HIRA: variants seen among roughly 807,000 people sequenced by gnomAD.
HIRA encodes the protein protein HIRA.
In HIRA, 13 loss-of-function variants were observed where a neutral mutation model predicts 126.6. That is an observed-to-expected ratio of 0.10 (90% CI 0.07 to 0.16). HIRA has a LOEUF of 0.16. Ranked by LOEUF, HIRA falls within the 10% of genes least tolerant of loss-of-function variation. The pLI, the probability that HIRA is intolerant of heterozygous loss-of-function variation, is 1.00. For synonymous variants in HIRA, 511 were observed against 520.0 expected (o/e 0.98, Z 0.24); for missense variants, 834 against 1,314.4 (o/e 0.63, Z 5.65).
At chr22:19,400,635 T>C (rs1312717314) in intron 5 of HIRA, among the ~76,000 whole-genome samples, 1 of 152,170 alleles carries the variant, frequency 6.6e-6, no homozygotes, top group African/African-American at 2.4e-5. Context: ...TCAGACTATA[T>C]AGCACCTCCT....
At position 19,348,889 on chromosome 22, in the gene HIRA, G is replaced by A. The variant is rs190848343; in HGVS notation, c.2937+2469C>T. ...TTGGCTCTGCCTCCTAGGTTCAAGC[G>A]ATTCTCCTGCCTCAGCCTCCCGAGT... On this transcript the variant is annotated intron_variant, in intron 24 of 24. Transcript: ENST00000263208. 5.2e-3 allele frequency among the ~76,000 whole-genome samples: 796 copies of A among 151,898 alleles called. 8 individuals carry two copies. Among genetic ancestry groups the A allele is most frequent in the African/African-American group, 0.018 (743 of 41,392 alleles).
intron 1 of HIRA, among the ~76,000 whole-genome samples, chr22:19,413,196 C>A (rs1464613139): frequency 6.6e-6 from 1 of 152,118 alleles, no homozygotes; most frequent in Non-Finnish European, 1.5e-5. Context: ...AAGGTACTTT[C>A]AAGGCAGGGT....
chr22:19,387,631 G>A, intron 11 of HIRA, 80 bp downstream of exon 11: 2 of 928,226 alleles, frequency 2.2e-6, no homozygotes, highest in Non-Finnish European at 3.5e-6. Flanking sequence ...CACAAGAAGA[G>A]GGTGTAGTCA....
rs570856010 is a variant in HIRA, at chr22:19,420,577, C to T, written c.38-9799G>A. On this transcript the variant is annotated intron_variant, in intron 1 of 24. Coordinates refer to ENST00000263208, the MANE Select transcript of HIRA (RefSeq NM_003325.4). Reference sequence around the variant, plus strand: ...TCTGTTTCTTAATACTTCTTTCCCCCCTCATTTTGCAAAACAGAGGTATTC... The same window carrying T: ...TCTGTTTCTTAATACTTCTTTCCCCTCTCATTTTGCAAAACAGAGGTATTC... Among the ~76,000 whole-genome samples, 13 of 152,126 alleles carry T rather than the reference C, an allele frequency of 8.5e-5. No individual in the cohort carries two copies. In the South Asian group the frequency reaches 2.1e-3, roughly 24 times the overall value.
At chr22:19,427,679 C>G (rs2089499160) in intron 1 of HIRA, among the ~76,000 whole-genome samples, 3 of 152,226 alleles carry the variant, frequency 2.0e-5, no homozygotes, top group African/African-American at 7.2e-5. Flanking sequence ...GACAAGAGCT[C>G]TTTCAGTCCT....
intron 15 of HIRA, among the ~76,000 whole-genome samples, chr22:19,363,918 A>G (rs2088888909): frequency 6.6e-6 from 1 of 152,152 alleles, no homozygotes; most frequent in Non-Finnish European, 1.5e-5. Flanking sequence ...AACCCAAAAA[A>G]CTATTCTGTA....
At chr22:19,387,946 G>A (rs1448623852) in intron 10 of HIRA, 130 bp from the exon 11 acceptor site, 1 of 153,782 alleles carries the variant, frequency 6.5e-6, no homozygotes, top group African/African-American at 2.5e-5. Flanking sequence ...TCCCTTCTGT[G>A]GCCTGGTTCC....
At chr22:19,345,626 C>G (rs1442156574) in intron 24 of HIRA, among the ~76,000 whole-genome samples, 1 of 152,150 alleles carries the variant, frequency 6.6e-6, no homozygotes, top group Non-Finnish European at 1.5e-5. Flanking sequence ...ATAAGGAGCA[C>G]ACAACCTAGA....
Position 19,331,318 on chromosome 22 carries a change from A to T in HIRA, c.*122T>A. On this transcript the variant is annotated 3_prime_UTR_variant, in exon 25 of 25. Transcript: ENST00000263208. The stretch of plus-strand genomic sequence containing the variant: ...AGCTGGGCTGGCGCTGGTGCAGGAC[A>T]GCACATCTCCTGCCAGTGTCTCCTC... 6.3e-7 allele frequency: 1 copy of T among 1,593,778 alleles called. No individual in the cohort carries two copies. The highest frequency in any genetic ancestry group is 8.5e-7 in the Non-Finnish European group (1 of 1,176,434).
At chr22:19,333,558 T>C (rs782338398) in intron 24 of HIRA, among the ~76,000 whole-genome samples, 1 of 152,222 alleles carries the variant, frequency 6.6e-6, no homozygotes, top group East Asian at 1.9e-4. Context: ...TGTGTCTCAG[T>C]GCAGGTTCCT....
chr22:19,343,677 A>G (rs2088655819), intron 24 of HIRA, among the ~76,000 whole-genome samples: 3 of 150,420 alleles, frequency 2.0e-5, no homozygotes, highest in Admixed American at 2.0e-4. Context: ...TGTAATCCCA[A>G]CACTTTGGGA....
rs1417711926 is a variant in HIRA at position 19,417,061 on chromosome 22, G to A, written c.38-6283C>T. Among the ~76,000 whole-genome samples, 10 of 151,408 alleles carry A rather than the reference G, an allele frequency of 6.6e-5. No homozygotes were observed. The East Asian group carries it at 9.8e-4, about 15-fold the overall frequency. On this transcript the variant is annotated intron_variant, in intron 1 of 24. Coordinates refer to ENST00000263208, the MANE Select transcript of HIRA (RefSeq NM_003325.4). ...CTAAAACTACAAAAATTAGCCAAGC[G>A]TGGTGGTGGGTGCCTGTAGTCCTAT... is the stretch of plus-strand genomic sequence containing the variant.
chr22:19,394,098 C>T (rs142264811), intron 8 of HIRA, among the ~76,000 whole-genome samples: 10 of 152,234 alleles, frequency 6.6e-5, no homozygotes, highest in African/African-American at 2.4e-4. Context: ...GAGGGTGGCA[C>T]CGTGCTTGGG....
At chr22:19,428,971 C>A (rs991945076) in intron 1 of HIRA, among the ~76,000 whole-genome samples, 1 of 152,064 alleles carries the variant, frequency 6.6e-6, no homozygotes, top group African/African-American at 2.4e-5. Context: ...TATTTAAAGG[C>A]CTGCTCGGTA....
intron 24 of HIRA, among the ~76,000 whole-genome samples, chr22:19,346,901 G>T (rs2088692801): frequency 6.6e-6 from 1 of 152,174 alleles, no homozygotes; most frequent in African/African-American, 2.4e-5. Context: ...GTCCTGTTTG[G>T]AGTTGGTAAG....
chr22:19,408,709 A>C, intron 2 of HIRA, 116 bp from the exon 3 acceptor site: 1 of 633,938 alleles, frequency 1.6e-6, no homozygotes, highest in Non-Finnish European at 2.9e-6. Context: ...ACAATAATTA[A>C]CTAGATCTAA....
chr22:19,408,936 C>T (rs183674060), intron 2 of HIRA, among the ~76,000 whole-genome samples: 24 of 152,314 alleles, frequency 1.6e-4, no homozygotes, highest in South Asian at 2.1e-4. Context: ...AGCACCTAGA[C>T]TCCGACTCCT....
chr22:19,397,788 C>A (rs999214556), intron 6 of HIRA, among the ~76,000 whole-genome samples: 4 of 152,152 alleles, frequency 2.6e-5, no homozygotes, highest in Non-Finnish European at 4.4e-5. Context: ...CATGCTAGCA[C>A]TCAGTTACCA....
intron 21 of HIRA, among the ~76,000 whole-genome samples, 158 bp from the exon 22 acceptor site, chr22:19,354,276 C>T (rs1046601185): frequency 2.0e-5 from 3 of 152,196 alleles, no homozygotes; most frequent in Admixed American, 2.0e-4. Context: ...TCCGCACAGG[C>T]GCCTATCACT....
Sources: allele counts gnomAD v4.1 joint callset (sites outside exome capture counted in the v4.1 genomes callset), GRCh38; gene constraint gnomAD v4.1.1; transcripts MANE v1.5; gene names NCBI Gene and HGNC (gene_info 2026-07-23, HGNC 2026-07-21).